Variants in PTPRR observed in about 807,000 individuals in gnomAD.
PTPRR encodes protein tyrosine phosphatase receptor type R, also known as receptor-type tyrosine-protein phosphatase R.
PTPRR carries 38 observed loss-of-function variants against 77.2 expected under a neutral mutation model. That is an observed-to-expected ratio of 0.49 (90% CI 0.38 to 0.65). The LOEUF (loss-of-function observed/expected upper bound fraction) is 0.65. Ranked by LOEUF, PTPRR falls within the 30% of genes least tolerant of loss-of-function variation. PTPRR has a pLI of 0.00. For synonymous variants in PTPRR, 299 were observed against 283.1 expected (o/e 1.06, Z -0.57); for missense variants, 744 against 799.2 (o/e 0.93, Z 0.83).
intron 6 of PTPRR, among the ~76,000 whole-genome samples, chr12:70,734,027 G>C (rs1339140180): frequency 6.6e-6 from 1 of 152,156 alleles, no homozygotes; most frequent in Non-Finnish European, 1.5e-5. Flanking sequence ...CTGGCTGCAA[G>C]GAAAAACCTC....
intron 6 of PTPRR, among the ~76,000 whole-genome samples, chr12:70,743,303 C>T (rs572650092): frequency 6.6e-6 from 1 of 152,182 alleles, no homozygotes; most frequent in Admixed American, 6.5e-5. Flanking sequence ...GTAGTGAGAC[C>T]ATTGATAATT....
intron 6 of PTPRR, among the ~76,000 whole-genome samples, chr12:70,706,254 C>T (rs911119864): frequency 6.6e-6 from 1 of 152,076 alleles, no homozygotes; most frequent in African/African-American, 2.4e-5. Flanking sequence ...TACCAACCCT[C>T]TTTCTGGATC....
At chr12:70,879,878 A>C (rs1893119059) in intron 2 of PTPRR, among the ~76,000 whole-genome samples, 1 of 152,226 alleles carries the variant, frequency 6.6e-6, no homozygotes, top group Non-Finnish European at 1.5e-5. Flanking sequence ...AATTAGAGGA[A>C]AAATGAGTGA....
intron 10 of PTPRR, among the ~76,000 whole-genome samples, chr12:70,668,106 T>G (rs1887076729): frequency 6.6e-6 from 1 of 152,186 alleles, no homozygotes; most frequent in Admixed American, 6.5e-5. Flanking sequence ...TAAGCAATCA[T>G]ACATACCACT....
chr12:70,893,076 A>G, intron 1 of PTPRR, 99 bp from the exon 2 acceptor site: 2 of 1,267,006 alleles, frequency 1.6e-6, no homozygotes, highest in Non-Finnish European at 2.2e-6. Context: ...GAGAGGCTTT[A>G]AGACTTGTGA....
At chr12:70,919,354 C>T (rs1359027638) in intron 1 of PTPRR, among the ~76,000 whole-genome samples, 1 of 152,182 alleles carries the variant, frequency 6.6e-6, no homozygotes, top group African/African-American at 2.4e-5. Context: ...TGGACAACTG[C>T]TGTCACAGTA....
intron 8 of PTPRR, among the ~76,000 whole-genome samples, chr12:70,691,068 T>C (rs1241339819): frequency 2.0e-5 from 3 of 152,190 alleles, no homozygotes; most frequent in East Asian, 3.9e-4. Flanking sequence ...AATTATTCTA[T>C]TGCTTTTCTT....
intron 2 of PTPRR, among the ~76,000 whole-genome samples, chr12:70,891,934 T>C (rs138201422): frequency 6.6e-6 from 1 of 152,196 alleles, no homozygotes; most frequent in African/African-American, 2.4e-5. Context: ...ACTACTGATT[T>C]GTAGTTTCAA....
intron 2 of PTPRR, among the ~76,000 whole-genome samples, chr12:70,767,498 C>A (rs1319466298): frequency 1.3e-5 from 2 of 151,856 alleles, no homozygotes; most frequent in East Asian, 3.9e-4. Context: ...AATACAGGAG[C>A]ACCCAGATTC....
intron 8 of PTPRR, among the ~76,000 whole-genome samples, chr12:70,688,047 G>C (rs949663): frequency 0.037 from 5,616 of 152,150 alleles, 131 homozygotes; most frequent in South Asian, 0.11. Flanking sequence ...TGTTGGTCAG[G>C]GGCAGACTGA....
chr12:70,749,024 T>A (rs1592729985), intron 5 of PTPRR, among the ~76,000 whole-genome samples: 1 of 152,152 alleles, frequency 6.6e-6, no homozygotes, highest in African/African-American at 2.4e-5. Flanking sequence ...CACAGAGGTA[T>A]AATGTGGCAC....
At chr12:70,832,713 A>G (rs1024134069) in intron 2 of PTPRR, among the ~76,000 whole-genome samples, 1 of 152,188 alleles carries the variant, frequency 6.6e-6, no homozygotes, top group African/African-American at 2.4e-5. Flanking sequence ...GTGTTAGTCC[A>G]TTTTGTGTGG....
At chr12:70,731,787 C>A (rs1335020652) in intron 6 of PTPRR, among the ~76,000 whole-genome samples, 1 of 152,162 alleles carries the variant, frequency 6.6e-6, no homozygotes, top group African/African-American at 2.4e-5. Context: ...TTTTAGAGAA[C>A]CTCTATTATG....
intron 2 of PTPRR, among the ~76,000 whole-genome samples, chr12:70,770,193 A>G (rs1372048536): frequency 6.7e-6 from 1 of 148,916 alleles, no homozygotes; most frequent in Non-Finnish European, 1.5e-5. Context: ...TCTGCACAGC[A>G]AAAGAAACTA....
At chr12:70,682,553 C>A (rs1056769134) in intron 10 of PTPRR, among the ~76,000 whole-genome samples, 1 of 151,816 alleles carries the variant, frequency 6.6e-6, no homozygotes, top group East Asian at 1.9e-4. Context: ...CTCTTCTTTG[C>A]ATGCTGTTTC....
At chr12:70,709,146 C>T (rs1178751744) in intron 6 of PTPRR, among the ~76,000 whole-genome samples, 1 of 152,066 alleles carries the variant, frequency 6.6e-6, no homozygotes, top group Admixed American at 6.6e-5. Context: ...AGGCTTTATC[C>T]TGGGATGCAA....
intron 3 of PTPRR, 63 bp downstream of exon 3, chr12:70,764,602 T>C: frequency 6.8e-6 from 9 of 1,329,654 alleles, no homozygotes; most frequent in Non-Finnish European, 8.7e-6. Flanking sequence ...ATGAGCCCTT[T>C]AGTGATTAAA....
chr12:70,662,464 T>C, intron 11 of PTPRR, 31 bp downstream of exon 11: 1 of 1,310,210 alleles, frequency 7.6e-7, no homozygotes, highest in Non-Finnish European at 1.1e-6. Flanking sequence ...CATCATCTAC[T>C]TTGTAGATGG....
intron 8 of PTPRR, among the ~76,000 whole-genome samples, chr12:70,691,119 C>A (rs572292270): frequency 6.6e-5 from 10 of 152,138 alleles, no homozygotes; most frequent in Non-Finnish European, 1.2e-4. Context: ...ATTATACACA[C>A]ACTTCCTCCA....
Sources: allele counts gnomAD v4.1 joint callset (sites outside exome capture counted in the v4.1 genomes callset), GRCh38; gene constraint gnomAD v4.1.1; transcripts MANE v1.5; gene names NCBI Gene and HGNC (gene_info 2026-07-23, HGNC 2026-07-21).